Variants in KLC2 observed in about 807,000 individuals in gnomAD.
The protein encoded by KLC2 is KLC 2.
Under a neutral mutation model 75.1 loss-of-function variants are expected in KLC2, and 35 were observed. The observed-to-expected ratio is 0.47, with a 90% CI of 0.36 to 0.62. KLC2 has a LOEUF of 0.62. Ranked by LOEUF, KLC2 falls within the 20% of genes least tolerant of loss-of-function variation. KLC2 has a pLI of 0.00. For synonymous variants in KLC2, 314 were observed against 336.7 expected, an observed-to-expected ratio of 0.93 and a Z score of 0.74; for missense variants, 611 against 833.2, an observed-to-expected ratio of 0.73 and a Z score of 3.28.
the KLC2 span, among the ~76,000 whole-genome samples, chr11:66,245,942 C>G: frequency 6.6e-6 from 1 of 152,202 alleles, no homozygotes; most frequent in Non-Finnish European, 1.5e-5. Flanking sequence ...GCATCCTTGC[C>G]CTACAGGTAT....
intron 6 of KLC2, 46 bp downstream of exon 6, chr11:66,263,793 G>A: frequency 6.2e-7 from 1 of 1,604,250 alleles, no homozygotes. Flanking sequence ...CCCATCCCCT[G>A]CAGGTCCCAG....
chr11:66,258,990 C>T (rs970548345), intron 2 of KLC2, among the ~76,000 whole-genome samples, 168 bp downstream of exon 2: 4 of 152,168 alleles, frequency 2.6e-5, no homozygotes, highest in African/African-American at 7.2e-5. Flanking sequence ...ACTTTGGCGA[C>T]CCCAGCCCTG....
chr11:66,264,744 C>A (rs1856695041), intron 9 of KLC2: 2 of 584,256 alleles, frequency 3.4e-6, no homozygotes, highest in South Asian at 2.1e-5. Flanking sequence ...TGGGAAACCA[C>A]CTCTGGCCCC....
At chr11:66,261,569 G>A in intron 2 of KLC2, 173 bp from the exon 3 acceptor site, 1 of 592,016 alleles carries the variant, frequency 1.7e-6, no homozygotes, top group South Asian at 2.1e-5. Context: ...ATTATGGTGT[G>A]TCGGGGGCCT....
intron 14 of KLC2, 75 bp from the exon 15 acceptor site, chr11:66,266,357 AG>A: frequency 9.8e-7 from 1 of 1,016,992 alleles, no homozygotes; most frequent in Non-Finnish European, 1.5e-6. Context: ...TTCCCTCCCC[AG>A]CCCCACCCTT....
chr11:66,258,459 C>T lies in KLC2; in HGVS notation c.-11-125C>T, dbSNP rs561650236. The T allele has an allele frequency of 1.1e-4, 69 of 648,930 alleles. No homozygotes were observed. The African/African-American group carries it at 1.1e-3, about 10-fold the overall frequency. 40.2% of individuals were successfully genotyped at this position (648,930 alleles called of 1,614,324 possible). ...CAAGCGCGGGCACGGTGCGGGCTGC[C>T]GGCTGGGGGACCTGGGCACACGGGA... is the stretch of plus-strand genomic sequence containing the variant. On this transcript the variant is annotated intron_variant, in intron 1 of 15. Coordinates refer to ENST00000394067, the MANE Select transcript of KLC2 (RefSeq NM_001318734.2).
At chr11:66,245,356 G>A in the KLC2 span, among the ~76,000 whole-genome samples, 20 of 152,182 alleles carry the variant, frequency 1.3e-4, no homozygotes, top group Non-Finnish European at 2.5e-4. Flanking sequence ...CAAGGCAGGC[G>A]TTTTGCCCGA....
intron 5 of KLC2, 121 bp downstream of exon 5, chr11:66,263,157 G>C: frequency 1.4e-6 from 1 of 695,378 alleles, no homozygotes; most frequent in Non-Finnish European, 2.5e-6. Flanking sequence ...GGCTACAGAT[G>C]CAAGTAAAAC....
chr11:66,264,927 A>G, intron 9 of KLC2, 96 bp from the exon 10 acceptor site: 4 of 1,169,534 alleles, frequency 3.4e-6, no homozygotes, highest in Non-Finnish European at 5.0e-6. Context: ...ACGAAGCCCA[A>G]CCGTGGTCTC....
chr11:66,261,871 C>G lies in KLC2; in HGVS notation c.358C>G (p.Leu120Val). Reference sequence around the variant, plus strand: ...GGAGCTGGCGGGGACACAGCAGAAGCTGCAGCGCAGTGAGCAGGCCGTGGC... The same window carrying G: ...GGAGCTGGCGGGGACACAGCAGAAGGTGCAGCGCAGTGAGCAGGCCGTGGC... Reference protein sequence around the residue: ...REELAGTQQKLQRSEQAVAQL... With the variant: ...REELAGTQQKVQRSEQAVAQL... Residue 120 changes from leucine (L) to valine (V), a missense_variant, in exon 3 of 16, where the codon CTG becomes GTG. Coordinates refer to ENST00000394067, the MANE Select transcript of KLC2 (RefSeq NM_001318734.2). 1.9e-6 allele frequency: 3 copies of G among 1,614,120 alleles called. No individual in the cohort carries two copies. Among genetic ancestry groups the G allele is most frequent in the Non-Finnish European group, 2.5e-6 (3 of 1,180,024 alleles).
chr11:66,251,522 C>T, the KLC2 span, among the ~76,000 whole-genome samples: 16 of 133,384 alleles, frequency 1.2e-4, 3 homozygotes, highest in African/African-American at 4.2e-4. Flanking sequence ...CATGGTGGCT[C>T]AGCACCTTGG....
chr11:66,267,070 T>A lies in KLC2; in HGVS notation c.*114T>A, dbSNP rs1856886969. 1 of 1,556,864 alleles carries A rather than the reference T, an allele frequency of 6.4e-7. No homozygotes were observed. Among genetic ancestry groups the A allele is most frequent in the Non-Finnish European group, 8.7e-7 (1 of 1,151,572 alleles). On this transcript the variant is annotated 3_prime_UTR_variant, in exon 16 of 16. Transcript: ENST00000394067. ...TGTCTCTCCCACAGCCCCTGTCTTTTCTGTTCAATCTCAGGGTAACCTTCT... is the reference window on the plus strand; with the variant it reads ...TGTCTCTCCCACAGCCCCTGTCTTTACTGTTCAATCTCAGGGTAACCTTCT...
At chr11:66,245,475 T>G in the KLC2 span, among the ~76,000 whole-genome samples, 2 of 152,126 alleles carry the variant, frequency 1.3e-5, no homozygotes, top group Non-Finnish European at 2.9e-5. Flanking sequence ...CCCAGCACTT[T>G]GGGAGGCTGA....
intron 2 of KLC2, 155 bp from the exon 3 acceptor site, chr11:66,261,587 A>T: frequency 1.7e-6 from 1 of 596,610 alleles, no homozygotes; most frequent in East Asian, 2.8e-5. Context: ...CCTTGAGGAG[A>T]TTCTCCCTTG....
chr11:66,266,105 T>G lies in KLC2; in HGVS notation c.1615T>G (p.Ser539Ala). 1 of 1,614,040 alleles carries G rather than the reference T, an allele frequency of 6.2e-7. No individual in the cohort carries two copies. Among genetic ancestry groups the G allele is most frequent in the Non-Finnish European group, 8.5e-7 (1 of 1,179,952 alleles). Residue 539 changes from serine (S) to alanine (A), a missense_variant, in exon 14 of 16, where the codon TCC becomes GCC. Coordinates refer to ENST00000394067, the MANE Select transcript of KLC2 (RefSeq NM_001318734.2). ...TAEWNGDGSG[S>A]LRRSGSFGKL... is the part of the protein sequence containing the mutation. ...TGTCCACCTGCAGGATGGCAGTGGC[T>G]CCTTGAGGCGCAGCGGTTCCTTTGG... is the stretch of plus-strand genomic sequence containing the variant.
the KLC2 span, among the ~76,000 whole-genome samples, chr11:66,250,749 T>C: frequency 1.3e-5 from 2 of 152,020 alleles, no homozygotes; most frequent in African/African-American, 4.8e-5. Flanking sequence ...GCATAGGAAG[T>C]AGCATGAGAT....
At chr11:66,254,006 T>C (rs1212400404), upstream of KLC2, among the ~76,000 whole-genome samples, 1 of 152,010 alleles carries the variant, frequency 6.6e-6, no homozygotes, top group African/African-American at 2.4e-5. Context: ...ATCCCAACAC[T>C]TGGGGAGGCT....
intron 4 of KLC2, chr11:66,262,582 C>G: frequency 1.7e-6 from 1 of 584,822 alleles, no homozygotes; most frequent in Non-Finnish European, 3.1e-6. Flanking sequence ...GACACAGGCT[C>G]AGAGGTTAGG....
chr11:66,266,593 T>C, intron 15 of KLC2, 103 bp downstream of exon 15: 1 of 1,248,570 alleles, frequency 8.0e-7, no homozygotes, highest in Non-Finnish European at 1.2e-6. Context: ...CAACAGTTCC[T>C]GGCTCTGTCT....
Sources: allele counts gnomAD v4.1 joint callset (sites outside exome capture counted in the v4.1 genomes callset), GRCh38; gene constraint gnomAD v4.1.1; transcripts MANE v1.5; gene names NCBI Gene and HGNC (gene_info 2026-07-23, HGNC 2026-07-21).